NOP58: variants seen among roughly 807,000 people sequenced by gnomAD.
NOP58 encodes nucleolar protein 58.
NOP58 carries 44 observed loss-of-function variants against 71.2 expected under a neutral mutation model. That is an observed-to-expected ratio of 0.62 (90% CI 0.49 to 0.79). The LOEUF (loss-of-function observed/expected upper bound fraction) is 0.79, where lower values mean the gene tolerates loss of function less well. Ranked by LOEUF, NOP58 falls within the 30% of genes least tolerant of loss-of-function variation. The pLI is 0.00. For missense variants in NOP58, 538 were observed against 620.2 expected (o/e 0.87, Z 1.41); for synonymous variants, 228 against 200.3 (o/e 1.14, Z -1.17).
At position 202,276,438 on chromosome 2, in the gene NOP58, T is replaced by C. The variant is rs746596521; in HGVS notation, c.122+1249T>C. ...TTTGTTGGGTTAATCTGATTCGTTG[T>C]TGTCAATGATGTATTCTTCTTGGAA... On this transcript the variant is annotated intron_variant, in intron 2 of 14. Coordinates refer to ENST00000264279, the MANE Select transcript of NOP58 (RefSeq NM_015934.5). The C allele has an allele frequency of 7.8e-6, 4 of 511,614 alleles. No individual in the cohort carries two copies. The East Asian group carries it at 2.2e-4, about 28-fold the overall frequency. 31.7% of individuals were successfully genotyped at this position (511,614 alleles called of 1,614,324 possible). A position where few individuals can be genotyped will look rare whatever the true frequency, so the allele number is the denominator to read the frequency against.
intron 1 of NOP58, among the ~76,000 whole-genome samples, chr2:202,267,977 C>G (rs1292449776): frequency 6.6e-6 from 1 of 152,140 alleles, no homozygotes; most frequent in African/African-American, 2.4e-5. Flanking sequence ...AATATGTTGA[C>G]ATTGATTAGT....
chr2:202,279,098 T>C lies in NOP58; in HGVS notation c.175+1096T>C, dbSNP rs148336064. Among the ~76,000 whole-genome samples, 1,174 of 152,318 alleles carry C rather than the reference T, an allele frequency of 7.7e-3. 13 individuals carry two copies. The highest frequency in any genetic ancestry group is 0.026 in the African/African-American group (1,094 of 41,562). On this transcript the variant is annotated intron_variant, in intron 3 of 14. Coordinates refer to ENST00000264279, the MANE Select transcript of NOP58 (RefSeq NM_015934.5). ...CTTTTAAGTATGGGTAAACATTTGG[T>C]AAGATTCCAAGCAAGATTGTGTTAG...
intron 13 of NOP58, 117 bp from the exon 14 acceptor site, chr2:202,302,804 A>G: frequency 7.3e-7 from 1 of 1,376,558 alleles, no homozygotes; most frequent in Non-Finnish European, 9.7e-7. Context: ...AATAAACAAA[A>G]CAAACATTGG....
chr2:202,272,275 C>G (rs762358841), intron 1 of NOP58, among the ~76,000 whole-genome samples: 8 of 151,276 alleles, frequency 5.3e-5, no homozygotes, highest in Non-Finnish European at 1.2e-4. Flanking sequence ...GCCTCAGCCT[C>G]CCGAGTAGCT....
chr2:202,272,176 C>T (rs1352060735), intron 1 of NOP58, among the ~76,000 whole-genome samples: 3 of 102,470 alleles, frequency 2.9e-5, no homozygotes, highest in Non-Finnish European at 5.6e-5. Flanking sequence ...TTTTTTGAGA[C>T]GGAGTCTTGC....
intron 9 of NOP58, chr2:202,293,147 G>T: frequency 1.5e-6 from 1 of 684,404 alleles, no homozygotes; most frequent in Non-Finnish European, 2.7e-6. Flanking sequence ...GTGGTCCATT[G>T]TTAGAAGTTT....
At chr2:202,289,295 T>C (rs1474025566) in intron 6 of NOP58, among the ~76,000 whole-genome samples, 1 of 152,204 alleles carries the variant, frequency 6.6e-6, no homozygotes, top group Non-Finnish European at 1.5e-5. Context: ...ATAAACTGCA[T>C]TGTGGATGCA....
intron 13 of NOP58, 102 bp downstream of exon 13, chr2:202,300,469 C>A: frequency 3.3e-6 from 3 of 922,782 alleles, no homozygotes; most frequent in Non-Finnish European, 4.9e-6. Flanking sequence ...TATTATAAAA[C>A]TGCTCATTGA....
chr2:202,267,608 A>G (rs558991466), intron 1 of NOP58, among the ~76,000 whole-genome samples: 25 of 152,276 alleles, frequency 1.6e-4, no homozygotes, highest in African/African-American at 5.1e-4. Flanking sequence ...CATAGCTTCA[A>G]ATTCTCTTAG....
intron 11 of NOP58, 119 bp downstream of exon 11, chr2:202,297,632 ATTC>A: frequency 9.4e-7 from 1 of 1,067,802 alleles, no homozygotes. Context: ...TGTCTAAAGT[ATTC>A]TTTTTGTGCC....
chr2:202,299,050 C>T (rs978496056), intron 12 of NOP58, among the ~76,000 whole-genome samples: 6 of 147,992 alleles, frequency 4.1e-5, no homozygotes, highest in African/African-American at 1.5e-4. Context: ...ACCTCTGACT[C>T]CCCGGTTCAA....
intron 5 of NOP58, chr2:202,284,762 T>G (rs1219548273): frequency 3.3e-5 from 10 of 301,552 alleles, no homozygotes; most frequent in Non-Finnish European, 6.1e-5. Flanking sequence ...TGATCTTGGA[T>G]GCCCTGTTTC....
Position 202,300,293 on chromosome 2 carries a change from G to A in NOP58, c.1328G>A (p.Arg443His), listed in dbSNP as rs541358227. ...ACACTTCCAACCTGTTCTAAAAAAC[G>A]CAAAATAGAACAGGTAGATAAAGAG... The part of the protein sequence containing the change: ...DSTLPTCSKK[R>H]KIEQVDKEDE... Residue 443 changes from arginine (R) to histidine (H), a missense_variant, in exon 13 of 15, where the codon CGC becomes CAC. By Grantham distance (29) the Arg-to-His change is conservative. Transcript: ENST00000264279. The A allele has an allele frequency of 1.5e-5, 24 of 1,601,508 alleles. 1 individual carries two copies. Among genetic ancestry groups the A allele is most frequent in the South Asian group, 6.8e-5 (6 of 88,090 alleles).
At chr2:202,276,217 A>C (rs1688586673) in intron 2 of NOP58, among the ~76,000 whole-genome samples, 1 of 151,966 alleles carries the variant, frequency 6.6e-6, no homozygotes, top group Admixed American at 6.6e-5. Flanking sequence ...ACATGCCTGT[A>C]ATCCCAGCTA....
At chr2:202,283,322 C>T (rs542086815) in intron 4 of NOP58, among the ~76,000 whole-genome samples, 13 of 152,116 alleles carry the variant, frequency 8.5e-5, no homozygotes, top group African/African-American at 2.9e-4. Flanking sequence ...CTCTGCCTCC[C>T]GGGTTCAAGG....
In NOP58 at chr2:202,266,336, T is replaced by C. The variant is rs188156199; in HGVS notation, c.45+350T>C. Among the ~76,000 whole-genome samples, 4 of 152,092 alleles carry C rather than the reference T, an allele frequency of 2.6e-5. No individual in the cohort carries two copies. The East Asian group carries it at 7.7e-4, about 29-fold the overall frequency. On this transcript the variant is annotated intron_variant, in intron 1 of 14. Coordinates refer to ENST00000264279, the MANE Select transcript of NOP58 (RefSeq NM_015934.5). Reference sequence around the variant, plus strand: ...TTTTTGAGATGGAGTTTCGCTCTTGTTGCCCATGCTGGAGTGCAGTGGCGC... The same window carrying C: ...TTTTTGAGATGGAGTTTCGCTCTTGCTGCCCATGCTGGAGTGCAGTGGCGC...
Position 202,297,415 on chromosome 2 carries a change from AT to A in NOP58, c.1109del (p.Ile370ThrfsTer22). On this transcript the variant is annotated frameshift_variant, in exon 11 of 15. Transcript: ENST00000264279. LOFTEE classifies it high-confidence loss of function. ...GCTGGCAGCCAAAACCGTTTTGGCTATCCGTTATGATGCTTTTGGTGAGGAT... is the reference window on the plus strand; with the variant it reads ...GCTGGCAGCCAAAACCGTTTTGGCTACCGTTATGATGCTTTTGGTGAGGAT... ...RMLAAKTVLA[I>X]RYDAFGEDSS... 6.2e-7 allele frequency: 1 copy of A among 1,613,954 alleles called. No individual in the cohort carries two copies. Among genetic ancestry groups the A allele is most frequent in the Non-Finnish European group, 8.5e-7 (1 of 1,179,880 alleles).
chr2:202,299,000 G>A (rs934551215), intron 12 of NOP58, among the ~76,000 whole-genome samples: 3 of 106,136 alleles, frequency 2.8e-5, no homozygotes, highest in African/African-American at 1.1e-4. Flanking sequence ...TGTCTCTGTT[G>A]CCAGGCTGGA....
intron 10 of NOP58, among the ~76,000 whole-genome samples, chr2:202,296,097 C>T (rs1688988746): frequency 6.6e-6 from 1 of 151,736 alleles, no homozygotes; most frequent in Non-Finnish European, 1.5e-5. Context: ...CTGTGGTTGG[C>T]ACACTGAAAA....
Sources: gnomAD v4.1 joint callset for allele counts (sites outside exome capture counted in the v4.1 genomes callset) on GRCh38, gnomAD v4.1.1 for gene constraint, MANE v1.5 for transcripts, NCBI Gene and HGNC (gene_info 2026-07-23, HGNC 2026-07-21) for gene names.